RORA: variants seen among roughly 807,000 people sequenced by gnomAD.
RORA encodes nuclear receptor ROR-alpha.
A neutral mutation model predicts 69.5 loss-of-function variants in RORA; 7 were observed. The observed-to-expected ratio is 0.10, with a 90% CI of 0.06 to 0.19. The LOEUF is 0.19. RORA is among the 10% of genes least tolerant of loss of function. The pLI is 1.00. For missense variants in RORA, 457 were observed against 663.0 expected, an observed-to-expected ratio of 0.69 and a Z score of 3.41; for synonymous variants, 261 against 240.8, an observed-to-expected ratio of 1.08 and a Z score of -0.78.
At chr15:60,825,211 T>C (rs2072940725) in intron 1 of RORA, among the ~76,000 whole-genome samples, 1 of 152,214 alleles carries the variant, frequency 6.6e-6, no homozygotes, top group Non-Finnish European at 1.5e-5. Flanking sequence ...GTAGTGGAGA[T>C]GGCTGGCCAC....
At chr15:60,745,660 G>A (rs1767228297) in intron 1 of RORA, among the ~76,000 whole-genome samples, 1 of 152,200 alleles carries the variant, frequency 6.6e-6, no homozygotes, top group African/African-American at 2.4e-5. Flanking sequence ...TGTCTTGTTG[G>A]CCTGTGTCTA....
chr15:60,923,438 T>A (rs1335185640), intron 1 of RORA, among the ~76,000 whole-genome samples: 1 of 152,144 alleles, frequency 6.6e-6, no homozygotes, highest in South Asian at 2.1e-4. Context: ...AATGAACAGA[T>A]GAGAGTGAAA....
chr15:60,693,842 C>A (rs1352441913), intron 1 of RORA, among the ~76,000 whole-genome samples: 1 of 152,094 alleles, frequency 6.6e-6, no homozygotes, highest in East Asian at 1.9e-4. Flanking sequence ...TAGGAAGAAT[C>A]AATATCATGA....
chr15:60,513,035 G>C (rs1233041585), intron 4 of RORA, among the ~76,000 whole-genome samples: 1 of 152,212 alleles, frequency 6.6e-6, no homozygotes, highest in East Asian at 1.9e-4. Context: ...TAAGAGTCTA[G>C]GGCAGGAGGC....
intron 1 of RORA, among the ~76,000 whole-genome samples, chr15:61,180,299 C>G (rs1010547008): frequency 2.6e-5 from 4 of 152,114 alleles, no homozygotes; most frequent in Admixed American, 6.5e-5. Context: ...ATTTATCCAT[C>G]CTATCACTAC....
At chr15:61,192,426 C>G (rs935157907) in intron 1 of RORA, among the ~76,000 whole-genome samples, 1 of 152,150 alleles carries the variant, frequency 6.6e-6, no homozygotes, top group Non-Finnish European at 1.5e-5. Flanking sequence ...TATCTACCAT[C>G]CGCACCCAAG....
chr15:61,153,960 C>T (rs899631073), intron 1 of RORA, among the ~76,000 whole-genome samples: 2 of 152,184 alleles, frequency 1.3e-5, no homozygotes, highest in African/African-American at 4.8e-5. Flanking sequence ...ATTTAGACAC[C>T]TTGCCTGCAG....
intron 2 of RORA, chr15:60,592,359 C>T: frequency 3.6e-6 from 5 of 1,398,616 alleles, no homozygotes; most frequent in East Asian, 3.2e-5. Flanking sequence ...GCCAGCCCAC[C>T]CGGCCCCGGC....
intron 1 of RORA, among the ~76,000 whole-genome samples, chr15:60,833,498 C>T (rs560714226): frequency 2.0e-5 from 3 of 152,156 alleles, no homozygotes; most frequent in Non-Finnish European, 2.9e-5. Context: ...TTACAGATTA[C>T]ATCCCACCCG....
At chr15:61,099,323 T>G (rs2078843908) in intron 1 of RORA, among the ~76,000 whole-genome samples, 1 of 152,208 alleles carries the variant, frequency 6.6e-6, no homozygotes, top group Admixed American at 6.5e-5. Context: ...GTGCAAAGTT[T>G]GGGCAAGGTT....
chr15:60,750,748 A>T (rs2071712241), intron 1 of RORA, among the ~76,000 whole-genome samples: 1 of 152,198 alleles, frequency 6.6e-6, no homozygotes, highest in Non-Finnish European at 1.5e-5. Flanking sequence ...TTTTTCACTT[A>T]AAAAATATTT....
In RORA at chr15:60,492,407, G is replaced by C. The variant is rs1322753469; in HGVS notation, c.*5048C>G. ...AAACATTAGCTCTTGTAATGCATCA[G>C]ATATAAACTACACATGTAGAAGTAA... On this transcript the variant is annotated 3_prime_UTR_variant, in exon 11 of 11. Coordinates refer to ENST00000335670, the MANE Select transcript of RORA (RefSeq NM_134261.3). The C allele has an allele frequency of 6.6e-6, 1 of 152,166 alleles. No homozygotes were observed. Among genetic ancestry groups the C allele is most frequent in the Non-Finnish European group, 1.5e-5 (1 of 68,002 alleles). 9.4% of individuals were successfully genotyped at this position (152,166 alleles called of 1,614,324 possible). A position where few individuals can be genotyped will look rare whatever the true frequency, so the allele number is the denominator to read the frequency against.
At chr15:60,582,278 A>G (rs2068216056) in intron 2 of RORA, among the ~76,000 whole-genome samples, 1 of 152,228 alleles carries the variant, frequency 6.6e-6, no homozygotes, top group Non-Finnish European at 1.5e-5. Flanking sequence ...AGAAGGACCT[A>G]TAGCAATTAA....
intron 1 of RORA, among the ~76,000 whole-genome samples, chr15:60,695,693 A>C (rs1200290461): frequency 6.6e-6 from 1 of 152,132 alleles, no homozygotes; most frequent in Admixed American, 6.5e-5. Context: ...CTTTTCAGCC[A>C]GCGCAACATT....
At chr15:60,888,095 G>A (rs1321103300) in intron 1 of RORA, among the ~76,000 whole-genome samples, 1 of 152,196 alleles carries the variant, frequency 6.6e-6, no homozygotes, top group African/African-American at 2.4e-5. Flanking sequence ...TTGTTCACCA[G>A]GCTCCCAACT....
intron 2 of RORA, among the ~76,000 whole-genome samples, chr15:60,554,713 T>G (rs1368642277): frequency 6.6e-6 from 1 of 152,132 alleles, no homozygotes; most frequent in Non-Finnish European, 1.5e-5. Flanking sequence ...GTTCTCAGGC[T>G]GGGTAAGAGA....
At chr15:60,750,903 G>A (rs11630437) in intron 1 of RORA, among the ~76,000 whole-genome samples, 2,114 of 152,308 alleles carry the variant, frequency 0.014, 29 homozygotes, top group South Asian at 0.05. Flanking sequence ...GGGCAGGGAA[G>A]GATTCAAGCA....
At chr15:60,736,729 A>C (rs2071505176) in intron 1 of RORA, 2 of 152,156 alleles carry the variant, frequency 1.3e-5, no homozygotes, top group Non-Finnish European at 2.9e-5. Context: ...CTCAGTCTAA[A>C]AATTTATACT....
intron 1 of RORA, among the ~76,000 whole-genome samples, chr15:61,151,246 G>A (rs917405894): frequency 6.6e-6 from 1 of 152,142 alleles, no homozygotes; most frequent in Non-Finnish European, 1.5e-5. Flanking sequence ...TCCAAGTTGG[G>A]TAAGATACAC....
Sources: allele counts gnomAD v4.1 joint callset (sites outside exome capture counted in the v4.1 genomes callset), GRCh38; gene constraint gnomAD v4.1.1; transcripts MANE v1.5; gene names NCBI Gene and HGNC (gene_info 2026-07-23, HGNC 2026-07-21).